The following COL13A1 variants were observed in gnomAD, a reference collection of about 807,000 sequenced individuals.
COL13A1 encodes the protein collagen alpha-1(XIII) chain.
Under a neutral mutation model 130.9 loss-of-function variants are expected in COL13A1, and 89 were observed. That is an observed-to-expected ratio of 0.68 (90% confidence interval 0.57 to 0.81). The LOEUF (loss-of-function observed/expected upper bound fraction) is 0.81. Among genes scored for constraint, COL13A1 ranks in the 30% least tolerant of loss-of-function variants. The pLI, the probability that COL13A1 is intolerant of heterozygous loss-of-function variation, is 0.00. For synonymous variants in COL13A1, 402 were observed against 341.6 expected (o/e 1.18, Z -1.95); for missense variants, 879 against 934.6 (o/e 0.94, Z 0.78).
intron 5 of COL13A1, among the ~76,000 whole-genome samples, chr10:69,875,703 G>A (rs2059506804): frequency 6.6e-6 from 1 of 152,250 alleles, no homozygotes; most frequent in Non-Finnish European, 1.5e-5. Context: ...GCAGGAAAGT[G>A]AAGATAGAGA....
chr10:69,937,760 G>C lies in COL13A1; in HGVS notation c.1878+45G>C, dbSNP rs3750781. On this transcript the variant is annotated intron_variant, in intron 34 of 40. Coordinates refer to ENST00000645393, the MANE Select transcript of COL13A1 (RefSeq NM_001368882.1). ...CAAGACTGGTGGGTTTGATGGGCCA[G>C]GGGTGTGGGCTGGGACTGGGGGACA... 260,488 of 848,984 alleles carry C rather than the reference G, an allele frequency of 0.31. 41,395 individuals are homozygous for C. Among genetic ancestry groups the C allele is most frequent in the East Asian group, 0.42 (17,578 of 41,382 alleles). 52.6% of individuals were successfully genotyped at this position (848,984 alleles called of 1,614,324 possible). A position where few individuals can be genotyped will look rare whatever the true frequency, so the allele number is the denominator to read the frequency against.
At chr10:69,888,550 G>C (rs903595636) in intron 9 of COL13A1, among the ~76,000 whole-genome samples, 4 of 152,166 alleles carry the variant, frequency 2.6e-5, no homozygotes, top group African/African-American at 9.7e-5. Context: ...CTTGGCTTTC[G>C]AAGTCCAGGC....
chr10:69,828,053 G>A (rs1390079549), intron 2 of COL13A1, among the ~76,000 whole-genome samples: 1 of 152,138 alleles, frequency 6.6e-6, no homozygotes, highest in East Asian at 1.9e-4. Flanking sequence ...TTAAACTAAA[G>A]GTATACTGTT....
intron 8 of COL13A1, among the ~76,000 whole-genome samples, 187 bp from the exon 9 acceptor site, chr10:69,888,117 C>T (rs2060780409): frequency 6.6e-6 from 1 of 152,210 alleles, no homozygotes; most frequent in Non-Finnish European, 1.5e-5. Flanking sequence ...ATTCTCAACC[C>T]CATTTCAGGA....
intron 32 of COL13A1, 28 bp from the exon 33 acceptor site, chr10:69,936,728 A>G: frequency 1.2e-6 from 2 of 1,613,686 alleles, no homozygotes; most frequent in Non-Finnish European, 1.7e-6. Context: ...ATGCAGTTCT[A>G]ATGCACCTTG....
chr10:69,857,796 C>T (rs1340954821), intron 2 of COL13A1, among the ~76,000 whole-genome samples: 3 of 152,202 alleles, frequency 2.0e-5, no homozygotes, highest in Non-Finnish European at 2.9e-5. Context: ...AAGGGTTAAA[C>T]ATGGTAATAC....
At chr10:69,898,888 C>T (rs1043541280) in intron 14 of COL13A1, 126 bp downstream of exon 14, 7 of 651,448 alleles carry the variant, frequency 1.1e-5, no homozygotes, top group Admixed American at 9.5e-5. Context: ...AAAAATAGGC[C>T]CACGTATACC....
chr10:69,931,593 A>G (rs2066129993), intron 30 of COL13A1, among the ~76,000 whole-genome samples: 1 of 152,176 alleles, frequency 6.6e-6, no homozygotes, highest in African/African-American at 2.4e-5. Context: ...GACCCAGTGC[A>G]GGACTCCTCA....
At chr10:69,820,492 G>A (rs1325395048) in intron 1 of COL13A1, among the ~76,000 whole-genome samples, 1 of 152,226 alleles carries the variant, frequency 6.6e-6, no homozygotes, top group African/African-American at 2.4e-5. Flanking sequence ...GTGGAGGCAG[G>A]TTCGTACAGT....
rs148048509 is a variant in COL13A1, at chr10:69,950,030, G to A, written c.2058+2688G>A. Among the ~76,000 whole-genome samples, 527 of 150,896 alleles carry A rather than the reference G, an allele frequency of 3.5e-3. 6 individuals are homozygous for A. Among genetic ancestry groups the A allele is most frequent in the Non-Finnish European group, 5.9e-3 (400 of 67,444 alleles). ...TGTGTACGTCTCACTTCCTAAGTCC[G>A]TCTTGTCTCCTCACTTCTTCCTCCT... On this transcript the variant is annotated intron_variant, in intron 38 of 40. Transcript: ENST00000645393.
chr10:69,876,066 A>T (rs894628848), intron 5 of COL13A1, among the ~76,000 whole-genome samples: 2 of 152,236 alleles, frequency 1.3e-5, no homozygotes, highest in African/African-American at 4.8e-5. Context: ...TCAGAGGTTG[A>T]GAAAAGGCAT....
At chr10:69,931,682 C>A (rs2066141534) in intron 30 of COL13A1, among the ~76,000 whole-genome samples, 1 of 152,210 alleles carries the variant, frequency 6.6e-6, no homozygotes, top group South Asian at 2.1e-4. Context: ...ATGGAGGGAG[C>A]ATTCCTGGAT....
intron 34 of COL13A1, 110 bp from the exon 35 acceptor site, chr10:69,940,878 G>C: frequency 7.0e-7 from 1 of 1,422,796 alleles, no homozygotes; most frequent in East Asian, 2.3e-5. Flanking sequence ...CAGCATTTAT[G>C]TCTGTCCAGA....
intron 39 of COL13A1, among the ~76,000 whole-genome samples, chr10:69,954,212 G>C (rs1254450505): frequency 2.0e-5 from 3 of 152,310 alleles, no homozygotes; most frequent in African/African-American, 7.2e-5. Context: ...GGGGCTCCCA[G>C]TCATGCCACC....
intron 1 of COL13A1, among the ~76,000 whole-genome samples, chr10:69,819,798 T>G (rs1424928458): frequency 1.3e-5 from 2 of 152,120 alleles, no homozygotes; most frequent in African/African-American, 2.4e-5. Context: ...GGGATCCATG[T>G]TACACATTCA....
intron 3 of COL13A1, among the ~76,000 whole-genome samples, chr10:69,869,061 C>T (rs1376206200): frequency 6.6e-6 from 1 of 152,192 alleles, no homozygotes; most frequent in Non-Finnish European, 1.5e-5. Context: ...CTCCTGCACA[C>T]ACCTCACCCC....
At chr10:69,945,452 G>GAT (rs1393187003) in intron 36 of COL13A1, among the ~76,000 whole-genome samples, 1 of 152,206 alleles carries the variant, frequency 6.6e-6, no homozygotes, top group Non-Finnish European at 1.5e-5. Flanking sequence ...GGCCTTGGGG[G>GAT]ATAGGCTCTG....
intron 2 of COL13A1, among the ~76,000 whole-genome samples, chr10:69,850,649 G>T (rs1488954586): frequency 6.6e-6 from 1 of 151,822 alleles, no homozygotes; most frequent in African/African-American, 2.4e-5. Flanking sequence ...TGCTGAGGGG[G>T]GCTGAGGCAG....
chr10:69,874,645 G>T (rs2059405014), intron 4 of COL13A1, among the ~76,000 whole-genome samples: 1 of 152,194 alleles, frequency 6.6e-6, no homozygotes, highest in Non-Finnish European at 1.5e-5. Flanking sequence ...CAAACCAGGG[G>T]CTGGGGAGGA....
Sources: allele counts gnomAD v4.1 joint callset (sites outside exome capture counted in the v4.1 genomes callset), GRCh38; gene constraint gnomAD v4.1.1; transcripts MANE v1.5; gene names NCBI Gene and HGNC (gene_info 2026-07-23, HGNC 2026-07-21).